SLC22A15: variants seen among roughly 807,000 people sequenced by gnomAD.
SLC22A15 encodes the protein solute carrier family 22 member 15, also known as flipt 1.
Under a neutral mutation model 62.7 loss-of-function variants are expected in SLC22A15, and 45 were observed. The ratio of observed to expected loss-of-function variants is 0.72; its 90% CI spans 0.56 to 0.92. SLC22A15 has a LOEUF of 0.92. Ranked by LOEUF, SLC22A15 falls within the 40% of genes least tolerant of loss-of-function variation. SLC22A15 has a pLI of 0.00. For synonymous variants in SLC22A15, 264 were observed against 267.0 expected, an observed-to-expected ratio of 0.99 and a Z score of 0.11; for missense variants, 622 against 665.6, an observed-to-expected ratio of 0.93 and a Z score of 0.72.
chr1:115,995,933 C>A (rs1335949783), intron 2 of SLC22A15, among the ~76,000 whole-genome samples: 2 of 152,122 alleles, frequency 1.3e-5, no homozygotes, highest in African/African-American at 4.8e-5. Context: ...ATGGGGAAAA[C>A]CATAGTATAA....
intron 8 of SLC22A15, 85 bp downstream of exon 8, chr1:116,037,473 C>A: frequency 2.0e-6 from 2 of 990,102 alleles, no homozygotes; most frequent in South Asian, 1.3e-5. Context: ...GACCATATGG[C>A]ATGCTTCATT....
chr1:116,018,481 C>T (rs560040884), intron 2 of SLC22A15, among the ~76,000 whole-genome samples: 1 of 152,296 alleles, frequency 6.6e-6, no homozygotes, highest in South Asian at 2.1e-4. Context: ...TCTCCTGCCT[C>T]AGCCTCCCAA....
At chr1:116,024,769 C>T (rs1657008869) in intron 4 of SLC22A15, among the ~76,000 whole-genome samples, 1 of 152,120 alleles carries the variant, frequency 6.6e-6, no homozygotes. Flanking sequence ...AGACAGGGCC[C>T]AGCAGCTCCA....
chr1:116,061,944 C>T (rs1002058149), intron 8 of SLC22A15, among the ~76,000 whole-genome samples: 2 of 152,116 alleles, frequency 1.3e-5, no homozygotes, highest in African/African-American at 4.8e-5. Flanking sequence ...CGTGGTGGCT[C>T]ACACCTGTAA....
intron 8 of SLC22A15, among the ~76,000 whole-genome samples, chr1:116,055,754 G>A (rs200759393): frequency 6.9e-6 from 1 of 145,858 alleles, no homozygotes; most frequent in Non-Finnish European, 1.5e-5. Flanking sequence ...GTTCAATATA[G>A]GCAAATCAAT....
intron 4 of SLC22A15, 72 bp downstream of exon 4, chr1:116,020,957 C>G: frequency 7.2e-7 from 1 of 1,379,510 alleles, no homozygotes; most frequent in Non-Finnish European, 9.8e-7. Flanking sequence ...CCAGTTTAAT[C>G]CTAGAGTCTG....
chr1:115,985,091 C>T (rs1050395017), intron 1 of SLC22A15, among the ~76,000 whole-genome samples: 10 of 152,158 alleles, frequency 6.6e-5, no homozygotes, highest in African/African-American at 2.4e-4. Context: ...TGTCCTAGGC[C>T]TTCACATCCA....
chr1:116,031,757 C>G, intron 6 of SLC22A15, 176 bp downstream of exon 6: 1 of 1,430,024 alleles, frequency 7.0e-7, no homozygotes, highest in Non-Finnish European at 9.1e-7. Context: ...TGCGCAGCCC[C>G]GTCTTTCTCA....
chr1:116,036,378 AG>A (rs1167259331), intron 7 of SLC22A15, among the ~76,000 whole-genome samples: 1 of 152,142 alleles, frequency 6.6e-6, no homozygotes, highest in Admixed American at 6.6e-5. Context: ...GTTACTTGAA[AG>A]GCCTTCCATA....
chr1:115,976,722 C>A lies in SLC22A15; in HGVS notation c.87+8C>A, dbSNP rs1180105679. The stretch of plus-strand genomic sequence containing the variant: ...CTGGCCGTGCTGCTGCAGGTAAGTC[C>A]CCGCGGCCCCGCAGCCGCATTTCCC... On this transcript the variant is annotated splice_region_variant and intron_variant, in intron 1 of 11. Transcript: ENST00000369503. 6.3e-7 allele frequency: 1 copy of A among 1,575,352 alleles called. No homozygotes were observed. Among genetic ancestry groups the A allele is most frequent in the Non-Finnish European group, 8.6e-7 (1 of 1,162,354 alleles).
At chr1:116,040,871 G>T (rs1349312764) in intron 8 of SLC22A15, among the ~76,000 whole-genome samples, 1 of 152,226 alleles carries the variant, frequency 6.6e-6, no homozygotes, top group African/African-American at 2.4e-5. Context: ...CTCCCAAAGT[G>T]CTGGGATTAT....
chr1:116,044,609 C>G (rs1408941643), intron 8 of SLC22A15, among the ~76,000 whole-genome samples: 1 of 151,950 alleles, frequency 6.6e-6, no homozygotes, highest in African/African-American at 2.4e-5. Flanking sequence ...CTTTATTCAC[C>G]AGACTACATT....
chr1:115,995,017 T>C (rs1348829680), intron 2 of SLC22A15, among the ~76,000 whole-genome samples: 1 of 152,162 alleles, frequency 6.6e-6, no homozygotes, highest in Non-Finnish European at 1.5e-5. Context: ...TTTTTAAGCA[T>C]CTATACCTTT....
intron 8 of SLC22A15, among the ~76,000 whole-genome samples, chr1:116,050,842 A>G (rs1056427429): frequency 1.2e-4 from 19 of 152,210 alleles, no homozygotes; most frequent in African/African-American, 4.6e-4. Context: ...TCCTCCAGAA[A>G]GCTCCTAGAA....
Position 116,031,581 on chromosome 1 carries a change from G to A in SLC22A15, c.944G>A (p.Trp315Ter), listed in dbSNP as rs1657399079. The A allele has an allele frequency of 6.2e-7, 1 of 1,613,322 alleles. No individual in the cohort carries two copies. The highest frequency in any genetic ancestry group is 1.7e-5 in the Admixed American group (1 of 60,000). Residue 315 changes from tryptophan to a stop codon, truncating the protein, a stop_gained and splice_region_variant, in exon 6 of 12, where the codon TGG (tryptophan) becomes TAG (stop). Coordinates refer to ENST00000369503, the MANE Select transcript of SLC22A15 (RefSeq NM_018420.3). LOFTEE classifies it high-confidence loss of function. The stretch of plus-strand genomic sequence containing the variant: ...CACACTTTGATCCTGATGTTCATCT[G>A]GTAATTATACTAAGGCGTGTTCTGT... ...LGHTLILMFI[W>*]FVCSLVYYGL... is the part of the protein sequence containing the mutation.
chr1:115,999,044 CA>C (rs1161410339), intron 2 of SLC22A15, among the ~76,000 whole-genome samples: 1 of 152,130 alleles, frequency 6.6e-6, no homozygotes, highest in Non-Finnish European at 1.5e-5. Context: ...ACTGGTCATT[CA>C]GAAGCATATT....
At position 116,067,417 on chromosome 1, in the gene SLC22A15, AT is replaced by A; in HGVS notation, c.*312del. The A allele has an allele frequency of 3.6e-6, 1 of 275,894 alleles. No individual in the cohort carries two copies. The highest frequency in any genetic ancestry group is 6.8e-6 in the Non-Finnish European group (1 of 147,148). 17.1% of individuals were successfully genotyped at this position (275,894 alleles called of 1,614,324 possible). A position where few individuals can be genotyped will look rare whatever the true frequency, so the allele number is the denominator to read the frequency against. ...GTGGTAGGCTCATTTGTTTCTAGAG[AT>A]TTCATCATGTCGCTTTTCCTTCATC... On this transcript the variant is annotated 3_prime_UTR_variant, in exon 12 of 12. Transcript: ENST00000369503.
intron 8 of SLC22A15, among the ~76,000 whole-genome samples, chr1:116,044,272 T>C (rs1178295677): frequency 6.6e-6 from 1 of 152,248 alleles, no homozygotes; most frequent in Non-Finnish European, 1.5e-5. Flanking sequence ...AAGCAAGTTT[T>C]ATCCCACAAA....
intron 6 of SLC22A15, among the ~76,000 whole-genome samples, chr1:116,034,400 C>T (rs111630612): frequency 3.9e-5 from 6 of 152,280 alleles, no homozygotes; most frequent in South Asian, 2.1e-4. Context: ...ACTTGGCTTC[C>T]TCAGCTCTTT....
Sources: allele counts gnomAD v4.1 joint callset (sites outside exome capture counted in the v4.1 genomes callset), GRCh38; gene constraint gnomAD v4.1.1; transcripts MANE v1.5; gene names NCBI Gene and HGNC (gene_info 2026-07-23, HGNC 2026-07-21).